The following HS3ST2 variants were observed in gnomAD, a reference collection of about 807,000 sequenced individuals.
HS3ST2 encodes heparan sulfate-glucosamine 3-sulfotransferase 2, also known as heparan sulfate glucosamine 3-O-sulfotransferase 2.
Under a neutral mutation model 26.3 loss-of-function variants are expected in HS3ST2, and 17 were observed. The observed-to-expected ratio is 0.65, with a 90% CI of 0.44 to 0.97. The LOEUF is 0.97. HS3ST2 is among the 50% of genes least tolerant of loss of function. The probability of loss-of-function intolerance (pLI) is 0.00; values close to 1 mark genes in which losing one functional copy is unlikely to be tolerated. For synonymous variants in HS3ST2, 237 were observed against 219.2 expected, an observed-to-expected ratio of 1.08 and a Z score of -0.72; for missense variants, 402 against 501.2, an observed-to-expected ratio of 0.80 and a Z score of 1.89.
intron 1 of HS3ST2, among the ~76,000 whole-genome samples, chr16:22,821,599 C>T (rs1389888501): frequency 6.6e-6 from 1 of 151,966 alleles, no homozygotes; most frequent in Admixed American, 6.6e-5. Context: ...ATAACCTAAA[C>T]CTGTGGGACT....
At chr16:22,912,550 C>G (rs1902436494) in intron 1 of HS3ST2, among the ~76,000 whole-genome samples, 1 of 152,166 alleles carries the variant, frequency 6.6e-6, no homozygotes, top group Non-Finnish European at 1.5e-5. Flanking sequence ...TGTTGTTAGA[C>G]AAGCAACTTT....
At chr16:22,846,861 G>T (rs1187286589) in intron 1 of HS3ST2, among the ~76,000 whole-genome samples, 1 of 152,208 alleles carries the variant, frequency 6.6e-6, no homozygotes, top group African/African-American at 2.4e-5. Flanking sequence ...GCTGGAGACA[G>T]TCTGGATGTC....
chr16:22,840,739 C>T (rs1392444358), intron 1 of HS3ST2, among the ~76,000 whole-genome samples: 1 of 152,126 alleles, frequency 6.6e-6, no homozygotes, highest in South Asian at 2.1e-4. Context: ...CATGACCATC[C>T]TCATACTATT....
At chr16:22,817,029 G>T (rs2141172178) in intron 1 of HS3ST2, among the ~76,000 whole-genome samples, 1 of 152,196 alleles carries the variant, frequency 6.6e-6, no homozygotes, top group African/African-American at 2.4e-5. Flanking sequence ...AGGGATGGCT[G>T]CTTTTTATTT....
At chr16:22,837,165 C>G (rs538728017) in intron 1 of HS3ST2, among the ~76,000 whole-genome samples, 2 of 150,074 alleles carry the variant, frequency 1.3e-5, no homozygotes, top group African/African-American at 4.9e-5. Context: ...CCTCTAAAGT[C>G]AGACTGTCCT....
intron 1 of HS3ST2, among the ~76,000 whole-genome samples, chr16:22,895,178 C>A (rs1356195307): frequency 1.3e-5 from 2 of 151,976 alleles, no homozygotes; most frequent in African/African-American, 4.8e-5. Context: ...CAACCTCCAC[C>A]TCCTGAGTTC....
intron 1 of HS3ST2, among the ~76,000 whole-genome samples, chr16:22,820,903 C>T (rs554339047): frequency 6.7e-4 from 102 of 152,278 alleles, no homozygotes; most frequent in Non-Finnish European, 1.1e-3. Context: ...TAGCATGTAT[C>T]TTATGATTGA....
chr16:22,814,890 C>G lies in HS3ST2; in HGVS notation c.280C>G (p.Pro94Ala). Residue 94 changes from proline to alanine, a missense_variant, in exon 1 of 2, where the codon CCC becomes GCC. Physicochemically the swap from Pro to Ala is conservative, Grantham distance 27. Coordinates refer to ENST00000261374, the MANE Select transcript of HS3ST2 (RefSeq NM_006043.2). ...SAPSAPAAAV[P>A]APRLSGSNHS... ...TCCCAGCGCGCCCGCCGCCGCCGTG[C>G]CCGCCCCTCGCCTCTCCGGTTCCAA... The G allele has an allele frequency of 6.4e-7, 1 of 1,565,596 alleles. No homozygotes were observed. Among genetic ancestry groups the G allele is most frequent in the Non-Finnish European group, 8.6e-7 (1 of 1,156,122 alleles).
At chr16:22,907,819 G>A (rs1381318058) in intron 1 of HS3ST2, among the ~76,000 whole-genome samples, 2 of 152,280 alleles carry the variant, frequency 1.3e-5, no homozygotes, top group East Asian at 1.9e-4. Flanking sequence ...GAAGGAATGA[G>A]GTCATCCAGG....
At chr16:22,894,865 C>A (rs1446808902) in intron 1 of HS3ST2, among the ~76,000 whole-genome samples, 1 of 152,146 alleles carries the variant, frequency 6.6e-6, no homozygotes, top group African/African-American at 2.4e-5. Flanking sequence ...AATTAGCCTC[C>A]CTTCTTCCAA....
intron 1 of HS3ST2, among the ~76,000 whole-genome samples, chr16:22,818,460 TTA>T (rs773616837): frequency 4.6e-5 from 7 of 152,296 alleles, no homozygotes; most frequent in Non-Finnish European, 1.0e-4. Context: ...GTTACTACTG[TTA>T]TTGCTACTAA....
At chr16:22,913,282 C>T (rs927097226) in intron 1 of HS3ST2, among the ~76,000 whole-genome samples, 1 of 151,842 alleles carries the variant, frequency 6.6e-6, no homozygotes, top group Non-Finnish European at 1.5e-5. Flanking sequence ...CAAGAAGTAG[C>T]GGTTGGGAAC....
At chr16:22,864,336 T>C (rs1435068154) in intron 1 of HS3ST2, among the ~76,000 whole-genome samples, 2 of 152,188 alleles carry the variant, frequency 1.3e-5, no homozygotes, top group African/African-American at 2.4e-5. Flanking sequence ...GTTCCAAGGA[T>C]ATTTCATGGA....
At chr16:22,840,427 G>T (rs944537649) in intron 1 of HS3ST2, among the ~76,000 whole-genome samples, 3 of 151,746 alleles carry the variant, frequency 2.0e-5, no homozygotes, top group Non-Finnish European at 2.9e-5. Flanking sequence ...CTGTCACCCA[G>T]GCTGGAGTTA....
At chr16:22,887,243 G>A (rs1902073069) in intron 1 of HS3ST2, among the ~76,000 whole-genome samples, 2 of 152,130 alleles carry the variant, frequency 1.3e-5, no homozygotes, top group South Asian at 4.1e-4. Flanking sequence ...ATTTCCCACT[G>A]TCTTCATTTG....
intron 1 of HS3ST2, among the ~76,000 whole-genome samples, chr16:22,912,150 G>C (rs1211224808): frequency 6.6e-6 from 1 of 152,106 alleles, no homozygotes; most frequent in East Asian, 1.9e-4. Context: ...CCCCAAAACA[G>C]AACAAAGGTT....
intron 1 of HS3ST2, among the ~76,000 whole-genome samples, chr16:22,847,006 G>T (rs1901443107): frequency 6.6e-6 from 1 of 152,086 alleles, no homozygotes; most frequent in South Asian, 2.1e-4. Flanking sequence ...TAGGTTAGGG[G>T]TACACGTGCA....
rs546618121 is a variant in HS3ST2, at chr16:22,873,713, C to T, written c.486-41231C>T. ...CACCCCAAAACTTAGTGGCTTAACA[C>T]AACAGCCACTTACGGAGTCCAGCAA... On this transcript the variant is annotated intron_variant, in intron 1 of 1. Coordinates refer to ENST00000261374, the MANE Select transcript of HS3ST2 (RefSeq NM_006043.2). Among the ~76,000 whole-genome samples the T allele has an allele frequency of 5.9e-5, 9 of 152,318 alleles. No homozygotes were observed. The South Asian group carries it at 1.9e-3, about 32-fold the overall frequency.
At chr16:22,900,017 G>T (rs1902262647) in intron 1 of HS3ST2, among the ~76,000 whole-genome samples, 1 of 152,226 alleles carries the variant, frequency 6.6e-6, no homozygotes, top group African/African-American at 2.4e-5. Context: ...GCTGAGTATA[G>T]AGAGAGGGCA....
Sources: allele counts gnomAD v4.1 joint callset (sites outside exome capture counted in the v4.1 genomes callset), GRCh38; gene constraint gnomAD v4.1.1; transcripts MANE v1.5; gene names NCBI Gene and HGNC (gene_info 2026-07-23, HGNC 2026-07-21).